SMIM36: variants seen among roughly 807,000 people sequenced by gnomAD.
The protein encoded by SMIM36 is small integral membrane protein 36.
the SMIM36 span, among the ~76,000 whole-genome samples, chr17:55,516,453 C>T: frequency 1.3e-5 from 2 of 151,482 alleles, no homozygotes; most frequent in African/African-American, 4.9e-5. Context: ...ATTTTTAGAA[C>T]TACAAAATAT....
At position 55,511,300 on chromosome 17, in the gene SMIM36, A is replaced by C. The variant is rs145094347; in HGVS notation, c.35T>G (p.Leu12Trp). 872 of 398,670 alleles carry C rather than the reference A, an allele frequency of 2.2e-3. 2 individuals are homozygous for C. The highest frequency in any genetic ancestry group is 3.0e-3 in the Non-Finnish European group (686 of 226,108). The allele number at this position is 398,670 out of a possible 1,614,324, so 24.7% of individuals were successfully genotyped here. The change falls in exon 1 of 5, where the codon TTG (leucine) becomes TGG (tryptophan). Residue 12 changes from leucine to tryptophan, a missense_variant. Physicochemically the swap from Leu to Trp is moderately conservative, Grantham distance 61. Transcript: ENST00000636752. ...GCTCGCAACTAGGATGATCAGGTTC[A>C]AGGTAACAGGGTCGATCTCCAAGTA...
At chr17:55,493,387 G>A (rs1373286695) in intron 1 of SMIM36, among the ~76,000 whole-genome samples, 2 of 152,302 alleles carry the variant, frequency 1.3e-5, no homozygotes, top group South Asian at 2.1e-4. Flanking sequence ...GCTCCAAGGT[G>A]TAGTCTGTAG....
At chr17:55,487,088 G>A (rs1178538348) in intron 1 of SMIM36, among the ~76,000 whole-genome samples, 2 of 151,934 alleles carry the variant, frequency 1.3e-5, no homozygotes, top group South Asian at 2.1e-4. Context: ...TAATGGAAAC[G>A]TGTCCCTATG....
At chr17:55,455,896 T>A (rs1464677539) in intron 4 of SMIM36, among the ~76,000 whole-genome samples, 1 of 151,598 alleles carries the variant, frequency 6.6e-6, no homozygotes, top group South Asian at 2.1e-4. Flanking sequence ...GGCACATGGA[T>A]CATTTGAGGT....
chr17:55,469,817 A>C (rs1245356897), intron 3 of SMIM36, among the ~76,000 whole-genome samples: 1 of 152,092 alleles, frequency 6.6e-6, no homozygotes, highest in Non-Finnish European at 1.5e-5. Context: ...ATCTCCACTA[A>C]AAATACAAAA....
intron 1 of SMIM36, among the ~76,000 whole-genome samples, chr17:55,482,096 T>A (rs1909530064): frequency 6.6e-6 from 1 of 152,188 alleles, no homozygotes; most frequent in Non-Finnish European, 1.5e-5. Context: ...CTGTTACCCA[T>A]CAATTGAAGT....
intron 4 of SMIM36, among the ~76,000 whole-genome samples, chr17:55,457,520 T>G (rs1186880929): frequency 2.0e-5 from 3 of 151,902 alleles, no homozygotes; most frequent in Non-Finnish European, 4.4e-5. Context: ...AAAAAAATTT[T>G]TTTTATTTTT....
chr17:55,467,049 C>T (rs1353216258), intron 4 of SMIM36, 96 bp downstream of exon 4: 3 of 152,122 alleles, frequency 2.0e-5, no homozygotes, highest in Non-Finnish European at 4.4e-5. Flanking sequence ...GTTACACTCA[C>T]CAATTAAGTC....
intron 3 of SMIM36, among the ~76,000 whole-genome samples, chr17:55,467,890 G>C (rs988478082): frequency 6.6e-6 from 1 of 152,072 alleles, no homozygotes; most frequent in Non-Finnish European, 1.5e-5. Context: ...CCACTGTTGT[G>C]ATTTGTTCCC....
rs10546288 is a variant in SMIM36, at chr17:55,456,116, C to CAAA, written c.*532-5821_*532-5819dup. ...CTGGGCAACAAGTGCAAAACTGTCTCAAAAAAAAAAAAAAAAAAAAAAAAA... is the reference window on the plus strand; with the variant it reads ...CTGGGCAACAAGTGCAAAACTGTCTCAAAAAAAAAAAAAAAAAAAAAAAAAAAA... On this transcript the variant is annotated intron_variant, in intron 4 of 4. Coordinates refer to ENST00000636752, the Ensembl canonical transcript of SMIM36. Among the ~76,000 whole-genome samples the CAAA allele has an allele frequency of 5.1e-4, 20 of 39,530 alleles. 1 individual carries two copies. Among genetic ancestry groups the CAAA allele is most frequent in the Non-Finnish European group, 5.5e-4 (12 of 21,692 alleles). The allele number at this position is 39,530 out of a possible 152,430, so 25.9% of individuals were successfully genotyped here. A position where few individuals can be genotyped will look rare whatever the true frequency, so the allele number is the denominator to read the frequency against.
In SMIM36 at chr17:55,483,953, ATC is replaced by A. The variant is rs1476894399; in HGVS notation, c.*175-4375_*175-4374del. On this transcript the variant is annotated intron_variant, in intron 1 of 4. Coordinates refer to ENST00000636752, the Ensembl canonical transcript of SMIM36. ...TGTGTCAACTAATTTCTTAAAATAA[ATC>A]TCTCTCTTTTTCTTTCTCTCTCTCT... Among the ~76,000 whole-genome samples the A allele has an allele frequency of 2.2e-4, 33 of 152,214 alleles. 1 individual carries two copies. In the South Asian group the frequency reaches 6.0e-3, roughly 28 times the overall value.
intron 3 of SMIM36, among the ~76,000 whole-genome samples, chr17:55,469,046 C>T (rs1385331487): frequency 3.3e-5 from 5 of 152,130 alleles, no homozygotes; most frequent in African/African-American, 7.2e-5. Context: ...TCTTCTTTCT[C>T]TCCTGTCTGT....
the SMIM36 span, chr17:55,527,991 C>T: frequency 2.6e-5 from 4 of 152,396 alleles, no homozygotes; most frequent in South Asian, 4.1e-4. Context: ...ATGCCTTTCC[C>T]GTTCTTCCTC....
At chr17:55,495,516 G>A (rs1434251141) in intron 1 of SMIM36, among the ~76,000 whole-genome samples, 6 of 152,186 alleles carry the variant, frequency 3.9e-5, no homozygotes, top group Admixed American at 6.5e-5. Context: ...TAGACTGGGC[G>A]TGGTGGCTCA....
upstream of SMIM36, among the ~76,000 whole-genome samples, chr17:55,514,850 A>G (rs1381288529): frequency 6.6e-6 from 1 of 152,188 alleles, no homozygotes; most frequent in East Asian, 1.9e-4. Context: ...TATCTCTGGT[A>G]TTTCAGAGTG....
At chr17:55,464,217 G>A (rs1424266607) in intron 4 of SMIM36, among the ~76,000 whole-genome samples, 8 of 152,148 alleles carry the variant, frequency 5.3e-5, no homozygotes, top group Non-Finnish European at 4.4e-5. Context: ...AACTGGAGAA[G>A]GATCTTAATT....
At chr17:55,501,168 C>T (rs1163123728) in intron 1 of SMIM36, among the ~76,000 whole-genome samples, 133 of 2,214 alleles carry the variant, frequency 0.06, 9 homozygotes, top group African/African-American at 0.32. Flanking sequence ...TATAATATAT[C>T]TTATATATTA....
intron 3 of SMIM36, among the ~76,000 whole-genome samples, chr17:55,470,913 C>T (rs1202163538): frequency 6.6e-6 from 1 of 152,120 alleles, no homozygotes; most frequent in African/African-American, 2.4e-5. Context: ...CCTACAAATT[C>T]TCCTTACAAC....
In SMIM36 at chr17:55,498,407, C is replaced by A. The variant is rs552236719; in HGVS notation, c.*174+12472G>T. Among the ~76,000 whole-genome samples, 6 of 152,240 alleles carry A rather than the reference C, an allele frequency of 3.9e-5. No individual in the cohort carries two copies. In the South Asian group the frequency reaches 1.0e-3, roughly 26 times the overall value. On this transcript the variant is annotated intron_variant, in intron 1 of 4. Transcript: ENST00000636752. Reference sequence around the variant, plus strand: ...AACCTTTCATGCCCCTTCCCCTCAACACCCCCATAAATGTGTCTAAACTAT... The same window carrying A: ...AACCTTTCATGCCCCTTCCCCTCAAAACCCCCATAAATGTGTCTAAACTAT...
Sources: gnomAD v4.1 joint callset for allele counts (sites outside exome capture counted in the v4.1 genomes callset) on GRCh38, gnomAD v4.1.1 for gene constraint, MANE v1.5 for transcripts, NCBI Gene and HGNC (gene_info 2026-07-23, HGNC 2026-07-21) for gene names.